STOX2: variants seen among roughly 807,000 people sequenced by gnomAD.
The protein encoded by STOX2 is storkhead box 2.
Under a neutral mutation model 60.9 loss-of-function variants are expected in STOX2, and 28 were observed. That is an observed-to-expected ratio of 0.46 (90% CI 0.34 to 0.63). The LOEUF (loss-of-function observed/expected upper bound fraction) is 0.63, where lower values mean the gene tolerates loss of function less well. Among genes scored for constraint, STOX2 ranks in the 30% least tolerant of loss-of-function variants. The pLI, the probability that STOX2 is intolerant of heterozygous loss-of-function variation, is 0.01. For synonymous variants in STOX2, 472 were observed against 463.9 expected (o/e 1.02, Z -0.22); for missense variants, 1,024 against 1,187.7 (o/e 0.86, Z 2.03).
chr4:183,868,653 C>G (rs539581212), intron 1 of STOX2, among the ~76,000 whole-genome samples: 4 of 152,134 alleles, frequency 2.6e-5, no homozygotes, highest in African/African-American at 9.7e-5. Context: ...GTGACCCTGA[C>G]GGCTGGAAAA....
intron 1 of STOX2, among the ~76,000 whole-genome samples, chr4:183,860,638 G>A (rs1342037194): frequency 6.6e-6 from 1 of 152,134 alleles, no homozygotes; most frequent in African/African-American, 2.4e-5. Flanking sequence ...CTCATTATGC[G>A]AGAGACAGGA....
At chr4:183,881,501 A>G (rs1041779972) in intron 1 of STOX2, among the ~76,000 whole-genome samples, 1 of 152,186 alleles carries the variant, frequency 6.6e-6, no homozygotes, top group Non-Finnish European at 1.5e-5. Flanking sequence ...ACTCCTTCTG[A>G]AAAAAAGAAA....
chr4:183,891,355 A>C (rs1741206535), intron 1 of STOX2, among the ~76,000 whole-genome samples: 1 of 82,698 alleles, frequency 1.2e-5, no homozygotes. Context: ...TATATGATGG[A>C]ATTTATATAT....
At chr4:183,894,964 T>C (rs1383303784) in intron 1 of STOX2, among the ~76,000 whole-genome samples, 1 of 152,222 alleles carries the variant, frequency 6.6e-6, no homozygotes, top group Non-Finnish European at 1.5e-5. Flanking sequence ...TGGGGGCTAT[T>C]CTAGCAATGC....
At position 184,009,145 on chromosome 4, in the gene STOX2, T is replaced by TTTC; in HGVS notation, c.320-11_320-10insCTT. 1 of 1,425,366 alleles carries TTTC rather than the reference T, an allele frequency of 7.0e-7. No individual in the cohort carries two copies. The highest frequency in any genetic ancestry group is 9.3e-7 in the Non-Finnish European group (1 of 1,072,076). The allele number at this position is 1,425,366 out of a possible 1,614,324, so 88.3% of individuals were successfully genotyped here. A position where few individuals can be genotyped will look rare whatever the true frequency, so the allele number is the denominator to read the frequency against. ...TTCATTCTCACAAGTGGTTTTTTTT[T>TTTC]TTTTTTTTTCAGGTGTTCCAACGCC... On this transcript the variant is annotated splice_polypyrimidine_tract_variant and intron_variant, in intron 2 of 3. Coordinates refer to ENST00000308497, the MANE Select transcript of STOX2 (RefSeq NM_020225.3). The surrounding 1 kb of genome is among the most constrained non-coding windows in gnomAD (Gnocchi z 4.0).
rs115464447 is a variant in STOX2, at chr4:183,806,534, G to A, written c.364+8479G>A. ...TTCACTGTGAACCCCGGGATACTGC[G>A]GCGGTGCTGGCTGGAAGGCTGGCTT... On this transcript the variant is annotated intron_variant, in intron 1 of 2. Coordinates refer to the STOX2 transcript ENST00000513034. The surrounding 1 kb of genome is among the most constrained non-coding windows in gnomAD (Gnocchi z 4.1). Among the ~76,000 whole-genome samples the A allele has an allele frequency of 6.6e-6, 1 of 152,212 alleles. No homozygotes were observed. The highest frequency in any genetic ancestry group is 1.5e-5 in the Non-Finnish European group (1 of 68,012).
chr4:183,898,209 A>C (rs556356566), intron 1 of STOX2, among the ~76,000 whole-genome samples: 4 of 152,196 alleles, frequency 2.6e-5, no homozygotes, highest in Admixed American at 2.6e-4. Context: ...TTCAGGAGAT[A>C]GGAAGGCTGT....
At chr4:183,876,117 G>A (rs1290448633) in intron 1 of STOX2, among the ~76,000 whole-genome samples, 1 of 152,204 alleles carries the variant, frequency 6.6e-6, no homozygotes, top group Non-Finnish European at 1.5e-5. Context: ...TTCTCCAAGA[G>A]GTGCAGATCT....
intron 1 of STOX2, among the ~76,000 whole-genome samples, chr4:183,862,038 G>T (rs1300331590): frequency 6.6e-6 from 1 of 152,178 alleles, no homozygotes; most frequent in East Asian, 1.9e-4. Context: ...ACTTCGTGAG[G>T]GTTTCCTAGA....
At chr4:183,971,091 T>C (rs1743729132) in intron 1 of STOX2, among the ~76,000 whole-genome samples, 1 of 152,338 alleles carries the variant, frequency 6.6e-6, no homozygotes, top group South Asian at 2.1e-4. Flanking sequence ...AGGGGTTTTT[T>C]TGGTGGAACT....
intron 1 of STOX2, among the ~76,000 whole-genome samples, chr4:183,956,250 C>T (rs903627437): frequency 1.3e-5 from 2 of 152,132 alleles, no homozygotes; most frequent in African/African-American, 4.8e-5. Context: ...CTTCTTTCCT[C>T]CCACCAGCTT....
intron 1 of STOX2, among the ~76,000 whole-genome samples, chr4:183,950,745 C>G (rs1027848847): frequency 6.6e-6 from 1 of 152,154 alleles, no homozygotes; most frequent in Non-Finnish European, 1.5e-5. Flanking sequence ...CTCGCTGCAG[C>G]CAGAGAACAG....
chr4:183,880,465 T>A (rs1276394772), intron 1 of STOX2, among the ~76,000 whole-genome samples: 3 of 152,056 alleles, frequency 2.0e-5, no homozygotes, highest in Non-Finnish European at 2.9e-5. Context: ...AGAAAAACTG[T>A]GAATTTTGCA....
chr4:183,975,019 C>T lies in STOX2; in HGVS notation c.167-26306C>T, dbSNP rs868465679. Among the ~76,000 whole-genome samples, 30 of 152,086 alleles carry T rather than the reference C, an allele frequency of 2.0e-4. 1 individual carries two copies. Among genetic ancestry groups the T allele is most frequent in the Middle Eastern group, 3.4e-3 (1 of 294 alleles). ...GTTATCTTACCATAATGAGATTTAACTAGAAATCAACAAAAGAAAGATAAT... is the reference window on the plus strand; with the variant it reads ...GTTATCTTACCATAATGAGATTTAATTAGAAATCAACAAAAGAAAGATAAT... On this transcript the variant is annotated intron_variant, in intron 1 of 3. Coordinates refer to ENST00000308497, the MANE Select transcript of STOX2 (RefSeq NM_020225.3).
chr4:183,900,066 A>C (rs1208658701), intron 1 of STOX2, among the ~76,000 whole-genome samples: 1 of 152,210 alleles, frequency 6.6e-6, no homozygotes, highest in Non-Finnish European at 1.5e-5. Flanking sequence ...TGGAACAACA[A>C]AGCCTGGATG....
At chr4:183,978,271 T>G (rs959145360) in intron 1 of STOX2, among the ~76,000 whole-genome samples, 3 of 152,200 alleles carry the variant, frequency 2.0e-5, no homozygotes, top group African/African-American at 7.2e-5. Context: ...GATTTAATTT[T>G]TGTATATGGA....
chr4:183,953,516 C>A (rs568470560), intron 1 of STOX2, among the ~76,000 whole-genome samples: 10 of 151,854 alleles, frequency 6.6e-5, no homozygotes, highest in African/African-American at 1.7e-4. Flanking sequence ...ACTTAACTTG[C>A]TTGAGCATTT....
rs1741605098 is a variant in STOX2 at position 183,906,409 on chromosome 4, G to T, written c.-382G>T. 5.7e-6 allele frequency: 1 copy of T among 174,744 alleles called. No homozygotes were observed. The highest frequency in any genetic ancestry group is 1.2e-5 in the Non-Finnish European group (1 of 83,364). The allele number at this position is 174,744 out of a possible 1,614,324, so 10.8% of individuals were successfully genotyped here. A position where few individuals can be genotyped will look rare whatever the true frequency, so the allele number is the denominator to read the frequency against. ...GCCAAGCACTCCTGCGCTGAATCGG[G>T]CCATTGTCTGCGCTCCCATTGCCTT... On this transcript the variant is annotated 5_prime_UTR_variant, in exon 1 of 4. Transcript: ENST00000308497.
chr4:183,881,211 A>G (rs1489578380), intron 1 of STOX2, among the ~76,000 whole-genome samples: 1 of 151,688 alleles, frequency 6.6e-6, no homozygotes, highest in Non-Finnish European at 1.5e-5. Context: ...GTGGAGAACA[A>G]TAAAAGGCTG....
Sources: allele counts gnomAD v4.1 joint callset (sites outside exome capture counted in the v4.1 genomes callset), GRCh38; gene constraint gnomAD v4.1.1; non-coding constraint Gnocchi (gnomAD v3.1); transcripts MANE v1.5; gene names NCBI Gene and HGNC (gene_info 2026-07-23, HGNC 2026-07-21).